CREM: variants seen among roughly 807,000 people sequenced by gnomAD.
The protein encoded by CREM is cAMP responsive element modulator, also known as cAMP-responsive element modulator.
CREM carries 13 observed loss-of-function variants against 37.3 expected under a neutral mutation model. The ratio of observed to expected loss-of-function variants is 0.35; its 90% CI spans 0.23 to 0.55. CREM has a LOEUF of 0.55. Ranked by LOEUF, CREM falls within the 20% of genes least tolerant of loss-of-function variation. CREM has a pLI of 0.88. For missense variants in CREM, 296 were observed against 362.3 expected (o/e 0.82, Z 1.49); for synonymous variants, 124 against 120.2 (o/e 1.03, Z -0.21).
chr10:35,180,537 C>T (rs761740966), intron 5 of CREM, among the ~76,000 whole-genome samples: 1 of 152,214 alleles, frequency 6.6e-6, no homozygotes, highest in African/African-American at 2.4e-5. Context: ...TGATACCTAG[C>T]AGATCCGGGG....
At chr10:35,170,072 C>G (rs1411010822) in intron 3 of CREM, among the ~76,000 whole-genome samples, 1 of 150,910 alleles carries the variant, frequency 6.6e-6, no homozygotes, top group African/African-American at 2.4e-5. Context: ...ACGCCATTCT[C>G]CTGCTTCAGC....
chr10:35,180,508 T>A (rs1176356567), intron 5 of CREM, among the ~76,000 whole-genome samples: 1 of 152,174 alleles, frequency 6.6e-6, no homozygotes, highest in Non-Finnish European at 1.5e-5. Context: ...CTGTTGGTAA[T>A]TGAGGGGAAC....
At chr10:35,187,177 TAATA>T (rs2094667639) in intron 5 of CREM, among the ~76,000 whole-genome samples, 1 of 42,192 alleles carries the variant, frequency 2.4e-5, no homozygotes, top group Non-Finnish European at 4.5e-5. Context: ...ATATTAATAT[TAATA>T]TATAAATATA....
At position 35,136,506 on chromosome 10, in the gene CREM, C is replaced by G. The variant is rs2090543477; in HGVS notation, c.-54-1276C>G. On this transcript the variant is annotated intron_variant, in intron 1 of 7. Coordinates refer to ENST00000685392, the MANE Select transcript of CREM (RefSeq NM_183011.2). ...TGCTTTTTGTTCCTCTTGTGAGGAG[C>G]CTGTTCAAATGCCCTACTGTCTCTT... 2.0e-5 allele frequency among the ~76,000 whole-genome samples: 3 copies of G among 152,280 alleles called. No homozygotes were observed. In the South Asian group the frequency reaches 6.2e-4, roughly 32 times the overall value.
intron 2 of CREM, 31 bp downstream of exon 2, chr10:35,137,910 G>T: frequency 1.3e-6 from 2 of 1,553,114 alleles, no homozygotes; most frequent in Middle Eastern, 1.7e-4. Context: ...CTGTTCTTTT[G>T]AAAATTCTAC....
At chr10:35,182,639 T>G (rs1443556491) in intron 5 of CREM, among the ~76,000 whole-genome samples, 2 of 152,228 alleles carry the variant, frequency 1.3e-5, no homozygotes. Context: ...AGTTGAAAGA[T>G]ATTTGGCAGA....
At chr10:35,163,696 CT>C (rs1457050103) in intron 3 of CREM, among the ~76,000 whole-genome samples, 4 of 152,030 alleles carry the variant, frequency 2.6e-5, no homozygotes, top group Non-Finnish European at 5.9e-5. Context: ...TGGTGGGCAC[CT>C]GTAATCCCAG....
Position 35,200,526 on chromosome 10 carries a change from T to A in CREM, c.599-6369T>A, listed in dbSNP as rs568770326. On this transcript the variant is annotated intron_variant, in intron 6 of 7. Transcript: ENST00000685392. ...GTGATTGTAGCAAATTTGAAAATGA[T>A]CAGTGCTTAAATAGCCATTTTTATG... Among the ~76,000 whole-genome samples the A allele has an allele frequency of 3.9e-5, 6 of 152,338 alleles. No individual in the cohort carries two copies. The South Asian group carries it at 1.2e-3, about 32-fold the overall frequency.
chr10:35,175,515 C>G, intron 3 of CREM: 1 of 645,564 alleles, frequency 1.5e-6, no homozygotes, highest in Non-Finnish European at 2.8e-6. Context: ...AGTTTATACT[C>G]TGGCCTAAGA....
At chr10:35,157,577 A>G (rs1289774705) in intron 3 of CREM, among the ~76,000 whole-genome samples, 2 of 151,450 alleles carry the variant, frequency 1.3e-5, no homozygotes, top group Admixed American at 6.6e-5. Context: ...CACAGGTTGC[A>G]ATGAGCCAAG....
At chr10:35,158,270 A>G (rs1238740605) in intron 3 of CREM, 1 of 158,684 alleles carries the variant, frequency 6.3e-6, no homozygotes, top group African/African-American at 2.4e-5. Flanking sequence ...AGCGAAAGGA[A>G]TATTGAACCA....
intron 3 of CREM, among the ~76,000 whole-genome samples, chr10:35,166,882 C>G (rs1297425356): frequency 6.6e-6 from 1 of 152,202 alleles, no homozygotes; most frequent in Non-Finnish European, 1.5e-5. Context: ...TGGCTCACAC[C>G]TGTAATCCCA....
chr10:35,170,101 T>G (rs2093736835), intron 3 of CREM, among the ~76,000 whole-genome samples: 2 of 151,978 alleles, frequency 1.3e-5, no homozygotes, highest in African/African-American at 4.8e-5. Context: ...TAGCTGGGAC[T>G]ACAGGCACCC....
intron 3 of CREM, among the ~76,000 whole-genome samples, chr10:35,172,709 A>ACCC (rs112092873): frequency 2.0e-5 from 3 of 151,532 alleles, no homozygotes; most frequent in Admixed American, 6.6e-5. Flanking sequence ...TGCAGAAAGC[A>ACCC]CCCCCCCGCT....
At chr10:35,136,070 C>T (rs923795678) in intron 1 of CREM, among the ~76,000 whole-genome samples, 2 of 152,102 alleles carry the variant, frequency 1.3e-5, no homozygotes, top group African/African-American at 4.8e-5. Context: ...CTCCCATGGC[C>T]GGAAGTTGGT....
At chr10:35,174,035 C>T (rs988462793) in intron 3 of CREM, among the ~76,000 whole-genome samples, 2 of 152,158 alleles carry the variant, frequency 1.3e-5, no homozygotes, top group African/African-American at 4.8e-5. Context: ...GTTGTTAAAT[C>T]TACTGGTTCC....
intron 1 of CREM, among the ~76,000 whole-genome samples, chr10:35,137,329 G>A (rs1004561886): frequency 4.6e-5 from 7 of 151,948 alleles, no homozygotes; most frequent in Admixed American, 4.6e-4. Context: ...TGGAATTTAA[G>A]GTAAATGAAA....
Position 35,202,911 on chromosome 10 carries a change from T to A in CREM, c.599-3984T>A, listed in dbSNP as rs560539998. Among the ~76,000 whole-genome samples the A allele has an allele frequency of 9.2e-5, 14 of 152,352 alleles. 1 individual carries two copies. The South Asian group carries it at 1.7e-3, about 18-fold the overall frequency. ...TATCGCTCAAAATGTTTTTAAGAAT[T>A]CTTATTTTGGAACTGCCATTATCTT... On this transcript the variant is annotated intron_variant, in intron 6 of 7. Coordinates refer to ENST00000685392, the MANE Select transcript of CREM (RefSeq NM_183011.2).
At chr10:35,160,429 T>C (rs2093218544) in intron 3 of CREM, among the ~76,000 whole-genome samples, 1 of 152,094 alleles carries the variant, frequency 6.6e-6, no homozygotes. Context: ...AATAGAATTT[T>C]GTTCTTTTGC....
Sources: gnomAD v4.1 joint callset for allele counts (sites outside exome capture counted in the v4.1 genomes callset) on GRCh38, gnomAD v4.1.1 for gene constraint, MANE v1.5 for transcripts, NCBI Gene and HGNC (gene_info 2026-07-23, HGNC 2026-07-21) for gene names.